The following ZC3H14 variants were observed in gnomAD, a reference collection of about 807,000 sequenced individuals.
ZC3H14 encodes the protein zinc finger CCCH-type containing 14, also known as zinc finger CCCH domain-containing protein 14.
Under a neutral mutation model 92.4 loss-of-function variants are expected in ZC3H14, and 31 were observed. The observed-to-expected ratio is 0.34, with a 90% CI of 0.25 to 0.45. ZC3H14 has a LOEUF of 0.45. Among genes scored for constraint, ZC3H14 ranks in the 20% least tolerant of loss-of-function variants. The pLI, the probability that ZC3H14 is intolerant of heterozygous loss-of-function variation, is 1.00. For synonymous variants in ZC3H14, 321 were observed against 300.9 expected (o/e 1.07, Z -0.69); for missense variants, 781 against 897.3 (o/e 0.87, Z 1.66).
chr14:88,599,042 C>T (rs980661856), intron 10 of ZC3H14, among the ~76,000 whole-genome samples: 2 of 152,340 alleles, frequency 1.3e-5, no homozygotes, highest in South Asian at 2.1e-4. Context: ...GAGCTGAGCT[C>T]GCACCACTGC....
Position 88,625,925 on chromosome 14 carries a change from G to A in ZC3H14, c.*14174G>A, listed in dbSNP as rs1157138303. ...GATTTATACAGCCTAGCCAATGCAG[G>A]ATATTAAAGGAAAGAGATGTGGATT... On this transcript the variant is annotated 3_prime_UTR_variant, in exon 17 of 17. Transcript: ENST00000251038. 1 of 152,162 alleles carries A rather than the reference G, an allele frequency of 6.6e-6. No homozygotes were observed. Among genetic ancestry groups the A allele is most frequent in the Admixed American group, 6.5e-5 (1 of 15,270 alleles). The allele number at this position is 152,162 out of a possible 1,614,324, so 9.4% of individuals were successfully genotyped here.
intron 11 of ZC3H14, 106 bp downstream of exon 11, chr14:88,602,189 G>A (rs1310697542): frequency 4.7e-6 from 7 of 1,495,538 alleles, no homozygotes; most frequent in East Asian, 2.3e-5. Flanking sequence ...CTAGCGTAGA[G>A]TGCTTTCATT....
At chr14:88,582,696 G>C (rs1036460387) in intron 9 of ZC3H14, among the ~76,000 whole-genome samples, 1 of 152,130 alleles carries the variant, frequency 6.6e-6, no homozygotes, top group Non-Finnish European at 1.5e-5. Context: ...TTTCTATACT[G>C]TGTTTTAAAA....
chr14:88,568,130 C>T lies in ZC3H14; in HGVS notation c.171C>T (p.Asn57=). 3 of 1,614,072 alleles carry T rather than the reference C, an allele frequency of 1.9e-6. No individual in the cohort carries two copies. The highest frequency in any genetic ancestry group is 1.1e-5 in the South Asian group (1 of 91,082). Reference sequence around the variant, plus strand: ...AGGATCTGTCCCTGTTTCTAGGGAACAACACAATTCGATTCACCGTATGGT... The same window carrying T: ...AGGATCTGTCCCTGTTTCTAGGGAATAACACAATTCGATTCACCGTATGGT... ...MTEDLSLFLG[N]NTIRFTVWLH... is the part of the protein sequence containing the mutation. Residue 57 remains asparagine, a synonymous_variant, in exon 3 of 17, where the codon AAC becomes AAT. Coordinates refer to ENST00000251038, the MANE Select transcript of ZC3H14 (RefSeq NM_024824.5).
intron 13 of ZC3H14, chr14:88,608,368 C>T: frequency 8.9e-6 from 4 of 446,968 alleles, no homozygotes; most frequent in South Asian, 6.7e-5. Context: ...CCCTGCAAGT[C>T]ATAGCCAGCT....
chr14:88,563,558 C>T, intron 1 of ZC3H14, 93 bp from the exon 2 acceptor site: 7 of 1,583,386 alleles, frequency 4.4e-6, no homozygotes, highest in Non-Finnish European at 5.2e-6. Flanking sequence ...CCGAGGTGCG[C>T]GCACCAGCAA....
chr14:88,617,004 T>G lies in ZC3H14; in HGVS notation c.*5253T>G. 1.2e-6 allele frequency: 1 copy of G among 819,828 alleles called. No homozygotes were observed. The highest frequency in any genetic ancestry group is 1.8e-6 in the Non-Finnish European group (1 of 543,486). The allele number at this position is 819,828 out of a possible 1,614,324, so 50.8% of individuals were successfully genotyped here. A position where few individuals can be genotyped will look rare whatever the true frequency, so the allele number is the denominator to read the frequency against. On this transcript the variant is annotated 3_prime_UTR_variant, in exon 17 of 17. Transcript: ENST00000251038. The stretch of plus-strand genomic sequence containing the variant: ...TGTTACTTAAAATACAGGAAGTAAA[T>G]TATGGTAAGTTGTTTGGAGACCTGA...
In ZC3H14 at chr14:88,572,605, C is replaced by G; in HGVS notation, c.459C>G (p.Thr153=). 1 of 1,614,124 alleles carries G rather than the reference C, an allele frequency of 6.2e-7. No individual in the cohort carries two copies. The highest frequency in any genetic ancestry group is 1.3e-5 in the African/African-American group (1 of 75,030). ...AGACTTACGATGATGGAGCTGCAAC[C>G]CGACTAATGTCAACAGTGAAACCTT... ...VRQTYDDGAA[T]RLMSTVKPLR... is the part of the protein sequence containing the mutation. The change falls in exon 6 of 17, where the codon ACC becomes ACG. Residue 153 remains threonine (T), a synonymous_variant. Transcript: ENST00000251038.
At chr14:88,586,477 C>T (rs568864384) in intron 9 of ZC3H14, 52 of 152,226 alleles carry the variant, frequency 3.4e-4, no homozygotes, top group African/African-American at 1.2e-3. Flanking sequence ...GTTATTTGCT[C>T]TCCACACCTT....
chr14:88,563,629 A>G lies in ZC3H14; in HGVS notation c.37-22A>G, dbSNP rs200486567. 1,511 of 1,613,952 alleles carry G rather than the reference A, an allele frequency of 9.4e-4. 3 individuals carry two copies. The highest frequency in any genetic ancestry group is 1.2e-3 in the Non-Finnish European group (1,438 of 1,179,770). On this transcript the variant is annotated intron_variant, in intron 1 of 16. Transcript: ENST00000251038. ...TCCTAGAGCCGCCTTTCTCACATGC[A>G]CGTTTGCTCTTTTTCTCTCAGAGTG...
chr14:88,595,034 A>T (rs1264051421), intron 9 of ZC3H14: 2 of 1,613,718 alleles, frequency 1.2e-6, no homozygotes, highest in East Asian at 4.5e-5. Context: ...CAGTTTGAAG[A>T]TCAAGAAGAA....
chr14:88,574,025 T>G (rs2080839562), intron 6 of ZC3H14, among the ~76,000 whole-genome samples: 2 of 152,202 alleles, frequency 1.3e-5, no homozygotes, highest in Non-Finnish European at 2.9e-5. Context: ...TATACCTTTT[T>G]GGGATTTCCA....
intron 2 of ZC3H14, among the ~76,000 whole-genome samples, chr14:88,566,253 A>G (rs925529804): frequency 2.0e-5 from 3 of 151,690 alleles, no homozygotes; most frequent in Admixed American, 6.6e-5. Flanking sequence ...CATGTGATGG[A>G]TTTATTTTTT....
chr14:88,566,891 A>G (rs1179122436), intron 2 of ZC3H14, among the ~76,000 whole-genome samples: 1 of 151,514 alleles, frequency 6.6e-6, no homozygotes, highest in Non-Finnish European at 1.5e-5. Flanking sequence ...CTACACTCCA[A>G]CCTGGGAGAC....
Position 88,574,720 on chromosome 14 carries a change from C to G in ZC3H14, c.889C>G (p.Pro297Ala). 1.2e-6 allele frequency: 2 copies of G among 1,613,884 alleles called. No homozygotes were observed. The highest frequency in any genetic ancestry group is 1.7e-6 in the Non-Finnish European group (2 of 1,179,964). The stretch of plus-strand genomic sequence containing the variant: ...TGAAAACTTTCGGAAGAGAAAGTTG[C>G]CTGTGGTAAGTTCAGTTGTTAAAGT... ...EDENFRKRKLPVVSSVVKVKK... is the reference protein window; with the variant it reads ...EDENFRKRKLAVVSSVVKVKK... Residue 297 changes from proline to alanine, a missense_variant, in exon 7 of 17, where the codon CCT becomes GCT. This residue lies in a region of ZC3H14 where 454 missense variants were observed against 438.5 expected (regional missense o/e 1.04). Transcript: ENST00000251038.
chr14:88,578,820 T>C (rs2081525714), intron 9 of ZC3H14, among the ~76,000 whole-genome samples: 1 of 137,856 alleles, frequency 7.3e-6, no homozygotes, highest in South Asian at 2.6e-4. Flanking sequence ...TTTTCTCAGC[T>C]TTCTCCCCCA....
At chr14:88,610,237 C>T (rs2086356129) in intron 15 of ZC3H14, among the ~76,000 whole-genome samples, 3 of 152,122 alleles carry the variant, frequency 2.0e-5, no homozygotes, top group Admixed American at 1.3e-4. Flanking sequence ...CTTCTTGCCC[C>T]GGTAGCTTGA....
At chr14:88,593,301 C>T (rs1428813649) in intron 9 of ZC3H14, among the ~76,000 whole-genome samples, 2 of 152,088 alleles carry the variant, frequency 1.3e-5, no homozygotes, top group African/African-American at 4.8e-5. Context: ...GGCAGTAGTC[C>T]CCAAGTTGAT....
intron 2 of ZC3H14, among the ~76,000 whole-genome samples, chr14:88,564,286 T>C (rs2079276451): frequency 6.6e-6 from 1 of 152,218 alleles, no homozygotes; most frequent in Admixed American, 6.5e-5. Context: ...TTTCCGTCTC[T>C]TTATTCTTTT....
Sources: gnomAD v4.1 joint callset for allele counts (sites outside exome capture counted in the v4.1 genomes callset) on GRCh38, gnomAD v4.1.1 for gene constraint, gnomAD v4.1.1 regional missense constraint, MANE v1.5 for transcripts, NCBI Gene and HGNC (gene_info 2026-07-23, HGNC 2026-07-21) for gene names.